The following ADRA1B variants were observed in gnomAD, a reference collection of about 807,000 sequenced individuals.
The protein encoded by ADRA1B is adrenoceptor alpha 1B, also known as alpha-1B adrenergic receptor.
In ADRA1B, 17 loss-of-function variants were observed where a neutral mutation model predicts 17.9. The ratio of observed to expected loss-of-function variants is 0.95; its 90% CI spans 0.65 to 1.42. The LOEUF is 1.42. Among genes scored for constraint, ADRA1B ranks in the 40% most tolerant of loss-of-function variants. The probability of loss-of-function intolerance (pLI) is 0.00; values close to 1 mark genes in which losing one functional copy is unlikely to be tolerated. For missense variants in ADRA1B, 681 were observed against 722.1 expected (o/e 0.94, Z 0.65); for synonymous variants, 366 against 327.6 (o/e 1.12, Z -1.27).
At chr5:159,985,300 A>G in the ADRA1B span, among the ~76,000 whole-genome samples, 1 of 152,270 alleles carries the variant, frequency 6.6e-6, no homozygotes, top group Non-Finnish European at 1.5e-5. Context: ...TAATGAACTG[A>G]TCTATTATTT....
At chr5:159,882,310 G>A (rs1753872334) in intron 1 of ADRA1B, among the ~76,000 whole-genome samples, 2 of 152,206 alleles carry the variant, frequency 1.3e-5, no homozygotes, top group Non-Finnish European at 2.9e-5. Context: ...TAGCAGGAAA[G>A]TGTACAGGAA....
At chr5:159,976,322 C>A (rs1427998363), downstream of ADRA1B, among the ~76,000 whole-genome samples, 1 of 151,980 alleles carries the variant, frequency 6.6e-6, no homozygotes, top group Non-Finnish European at 1.5e-5. Flanking sequence ...ACTTAGGGTC[C>A]ACCGTGAAGA....
At chr5:159,923,865 C>A (rs961834159) in intron 1 of ADRA1B, among the ~76,000 whole-genome samples, 2 of 152,388 alleles carry the variant, frequency 1.3e-5, no homozygotes, top group East Asian at 1.9e-4. Flanking sequence ...CAGCACCACA[C>A]AAGTCCTCCC....
intron 1 of ADRA1B, among the ~76,000 whole-genome samples, chr5:159,872,403 T>G (rs1333921244): frequency 6.6e-6 from 1 of 152,140 alleles, no homozygotes; most frequent in Non-Finnish European, 1.5e-5. Context: ...AGCTACAGCT[T>G]GCAGAGATAA....
intron 1 of ADRA1B, among the ~76,000 whole-genome samples, chr5:159,894,908 T>C (rs1298264351): frequency 6.6e-6 from 1 of 152,208 alleles, no homozygotes; most frequent in East Asian, 1.9e-4. Context: ...CAACAGAGCA[T>C]CAGACAAGCA....
chr5:159,890,584 T>C (rs1223825516), intron 1 of ADRA1B, among the ~76,000 whole-genome samples: 1 of 152,222 alleles, frequency 6.6e-6, no homozygotes, highest in African/African-American at 2.4e-5. Context: ...TTCATTCATA[T>C]GTCTGGCTGT....
intron 1 of ADRA1B, among the ~76,000 whole-genome samples, chr5:159,930,596 C>CA (rs999651155): frequency 1.1e-3 from 170 of 151,466 alleles, no homozygotes; most frequent in African/African-American, 3.9e-3. Flanking sequence ...AACAAACAAA[C>CA]AAAAAAAATA....
chr5:159,931,912 G>T (rs1457966084), intron 1 of ADRA1B, among the ~76,000 whole-genome samples: 2 of 152,178 alleles, frequency 1.3e-5, no homozygotes, highest in Admixed American at 6.5e-5. Context: ...CTGCACTGGG[G>T]ATTAAGTTTC....
At position 159,917,242 on chromosome 5, in the gene ADRA1B, C is replaced by G; in HGVS notation, c.337C>G (p.Leu113Val). 6.2e-7 allele frequency: 1 copy of G among 1,614,142 alleles called. No individual in the cohort carries two copies. Among genetic ancestry groups the G allele is most frequent in the Non-Finnish European group, 8.5e-7 (1 of 1,180,034 alleles). ...CCTAGAGGTGCTCGGCTACTGGGTGCTGGGGCGGATCTTCTGTGACATCTG... is the reference window on the plus strand; with the variant it reads ...CCTAGAGGTGCTCGGCTACTGGGTGGTGGGGCGGATCTTCTGTGACATCTG... ...AALEVLGYWV[L>V]GRIFCDIWAA... Residue 113 changes from leucine to valine, a missense_variant, in exon 1 of 2, where the codon CTG becomes GTG. Leu to Val is a conservative substitution (Grantham distance 32). Transcript: ENST00000306675.
downstream of ADRA1B, among the ~76,000 whole-genome samples, chr5:159,976,447 C>T (rs1755975557): frequency 6.6e-6 from 1 of 151,906 alleles, no homozygotes; most frequent in South Asian, 2.1e-4. Flanking sequence ...GTGGGTGGAT[C>T]ATTTGAGGCC....
intron 1 of ADRA1B, among the ~76,000 whole-genome samples, chr5:159,901,845 A>G (rs1369792317): frequency 2.6e-5 from 4 of 152,240 alleles, no homozygotes; most frequent in Admixed American, 6.5e-5. Flanking sequence ...TTAAAAAACA[A>G]TAACAATTGT....
chr5:159,950,893 G>T, intron 1 of ADRA1B: 3 of 579,572 alleles, frequency 5.2e-6, no homozygotes, highest in South Asian at 3.3e-5. Context: ...TGATGTTCTG[G>T]AGAGCCCCGC....
chr5:159,924,699 C>T (rs931893649), intron 1 of ADRA1B, among the ~76,000 whole-genome samples: 2 of 152,112 alleles, frequency 1.3e-5, no homozygotes, highest in Non-Finnish European at 2.9e-5. Flanking sequence ...AGCTGCAGTG[C>T]CATCACGGAT....
At chr5:159,913,761 G>A (rs1160716679), upstream of ADRA1B, among the ~76,000 whole-genome samples, 1 of 152,126 alleles carries the variant, frequency 6.6e-6, no homozygotes, top group African/African-American at 2.4e-5. Context: ...CACAGCCTCA[G>A]TAAATTCAAT....
At chr5:159,914,852 A>T (rs904950117), upstream of ADRA1B, among the ~76,000 whole-genome samples, 2 of 152,226 alleles carry the variant, frequency 1.3e-5, no homozygotes. Flanking sequence ...AGGCTTGTGA[A>T]CTGGAGTAAA....
At chr5:159,952,330 G>A (rs1421071675) in intron 1 of ADRA1B, among the ~76,000 whole-genome samples, 2 of 152,172 alleles carry the variant, frequency 1.3e-5, no homozygotes, top group African/African-American at 4.8e-5. Context: ...AATAGAATGA[G>A]TGTAATAATA....
Position 159,917,326 on chromosome 5 carries a change from A to G in ADRA1B, c.421A>G (p.Ile141Val). 1.9e-6 allele frequency: 3 copies of G among 1,614,018 alleles called. No homozygotes were observed. The highest frequency in any genetic ancestry group is 2.5e-6 in the Non-Finnish European group (3 of 1,180,008). Residue 141 changes from isoleucine to valine, a missense_variant, in exon 1 of 2, where the codon ATC becomes GTC. Around this residue, in one of 3 missense-constraint regions of ADRA1B, gnomAD observed 424 missense variants for 480.2 expected, o/e 0.88. Coordinates refer to ENST00000306675, the MANE Select transcript of ADRA1B (RefSeq NM_000679.4). Reference protein sequence around the residue: ...ASILSLCAISIDRYIGVRYSL... With the variant: ...ASILSLCAISVDRYIGVRYSL... ...CATTCTGAGCCTGTGCGCCATCTCC[A>G]TCGATCGCTACATCGGGGTGCGCTA... is the stretch of plus-strand genomic sequence containing the variant.
intron 1 of ADRA1B, among the ~76,000 whole-genome samples, chr5:159,906,704 G>C (rs1754165784): frequency 6.6e-6 from 1 of 152,152 alleles, no homozygotes. Flanking sequence ...ACCAAGAAGG[G>C]GAAAAGTGAG....
chr5:159,872,239 T>C (rs1753750715), intron 1 of ADRA1B, among the ~76,000 whole-genome samples: 1 of 152,224 alleles, frequency 6.6e-6, no homozygotes, highest in Non-Finnish European at 1.5e-5. Flanking sequence ...AGTGTGTCTA[T>C]GTTAATGAGT....
Sources: gnomAD v4.1 joint callset for allele counts (sites outside exome capture counted in the v4.1 genomes callset) on GRCh38, gnomAD v4.1.1 for gene constraint, gnomAD v4.1.1 regional missense constraint, MANE v1.5 for transcripts, NCBI Gene and HGNC (gene_info 2026-07-23, HGNC 2026-07-21) for gene names.